The following ZBTB20 variants were observed in gnomAD, a reference collection of about 807,000 sequenced individuals.
ZBTB20 encodes the protein zinc finger and BTB domain containing 20.
In ZBTB20, 9 loss-of-function variants were observed where a neutral mutation model predicts 56.9. The observed-to-expected ratio is 0.16, with a 90% CI of 0.10 to 0.28. The LOEUF is 0.28. Ranked by LOEUF, ZBTB20 falls within the 10% of genes least tolerant of loss-of-function variation. The probability of loss-of-function intolerance (pLI) is 1.00; values close to 1 mark genes in which losing one functional copy is unlikely to be tolerated. For synonymous variants in ZBTB20, 417 were observed against 420.7 expected, an observed-to-expected ratio of 0.99 and a Z score of 0.11; for missense variants, 655 against 1,003.0, an observed-to-expected ratio of 0.65 and a Z score of 4.69.
chr3:114,701,520 T>C (rs2063386066), intron 5 of ZBTB20, among the ~76,000 whole-genome samples: 1 of 152,220 alleles, frequency 6.6e-6, no homozygotes, highest in African/African-American at 2.4e-5. Context: ...CTACATGACA[T>C]ATATTCCATT....
intron 6 of ZBTB20, among the ~76,000 whole-genome samples, chr3:114,556,008 CT>C (rs1411830725): frequency 6.6e-6 from 1 of 151,952 alleles, no homozygotes. Context: ...ACTTTTTTGC[CT>C]TTTTAAAAAA....
rs142413559 is a variant in ZBTB20, at chr3:114,975,968, A to T, written c.-506-1552T>A. ...ATATGTACTCAGTGAATGAATGAAC[A>T]GCCTAACCAATAAAACAGGCACTAA... On this transcript the variant is annotated intron_variant, in intron 2 of 11. Transcript: ENST00000675478. 5.3e-5 allele frequency among the ~76,000 whole-genome samples: 8 copies of T among 152,326 alleles called. No individual in the cohort carries two copies. The East Asian group carries it at 1.5e-3, about 29-fold the overall frequency.
intron 2 of ZBTB20, among the ~76,000 whole-genome samples, chr3:114,987,782 T>C (rs1262569013): frequency 6.6e-6 from 1 of 152,106 alleles, no homozygotes; most frequent in Non-Finnish European, 1.5e-5. Flanking sequence ...AAGTTGAGTG[T>C]AAGTGCAAAC....
intron 7 of ZBTB20, among the ~76,000 whole-genome samples, chr3:114,476,366 T>G (rs1007912799): frequency 5.3e-5 from 8 of 152,354 alleles, no homozygotes; most frequent in Middle Eastern, 3.4e-3. Context: ...TGTATATGTT[T>G]GAAATATCTA....
chr3:114,380,526 A>G (rs928372577), intron 9 of ZBTB20, 122 bp from the exon 10 acceptor site: 1 of 1,266,290 alleles, frequency 7.9e-7, no homozygotes, highest in Non-Finnish European at 1.1e-6. Flanking sequence ...GGAGTCCAGT[A>G]TGTCCCTTGT....
At chr3:115,106,362 T>C (rs2083724580) in intron 1 of ZBTB20, among the ~76,000 whole-genome samples, 1 of 150,656 alleles carries the variant, frequency 6.6e-6, no homozygotes, top group Admixed American at 6.7e-5. Flanking sequence ...GCCTCCCGAG[T>C]AGCTGGGACT....
chr3:114,733,259 T>A (rs967312425), intron 5 of ZBTB20, among the ~76,000 whole-genome samples: 3 of 151,988 alleles, frequency 2.0e-5, no homozygotes, highest in African/African-American at 7.3e-5. Context: ...CATGCAGGAG[T>A]CTCAATAAGG....
intron 2 of ZBTB20, among the ~76,000 whole-genome samples, chr3:115,040,811 A>G (rs2081110927): frequency 6.6e-6 from 1 of 152,122 alleles, no homozygotes; most frequent in Non-Finnish European, 1.5e-5. Flanking sequence ...TTTGCCTTGA[A>G]ACATTTCAGG....
At chr3:114,471,076 A>G (rs1018550830) in intron 7 of ZBTB20, among the ~76,000 whole-genome samples, 8 of 152,224 alleles carry the variant, frequency 5.3e-5, no homozygotes, top group Non-Finnish European at 1.2e-4. Flanking sequence ...TAAAATGCTG[A>G]AAAGGTCACA....
Position 114,634,814 on chromosome 3 carries a change from C to T in ZBTB20, c.-295+58714G>A, listed in dbSNP as rs559365742. 2.6e-5 allele frequency among the ~76,000 whole-genome samples: 4 copies of T among 152,288 alleles called. No individual in the cohort carries two copies. In the South Asian group the frequency reaches 6.2e-4, roughly 24 times the overall value. ...AAGTGAGATTGGAGTGTGTATCTGGCTTCCTGGCCTCTGGCCTCTCAGAGA... is the reference window on the plus strand; with the variant it reads ...AAGTGAGATTGGAGTGTGTATCTGGTTTCCTGGCCTCTGGCCTCTCAGAGA... On this transcript the variant is annotated intron_variant, in intron 6 of 11. Transcript: ENST00000675478.
At chr3:114,941,446 T>C (rs572352650) in intron 3 of ZBTB20, among the ~76,000 whole-genome samples, 1 of 146,394 alleles carries the variant, frequency 6.8e-6, no homozygotes, top group Admixed American at 6.6e-5. Context: ...TGCAATGTTT[T>C]CCTAAATTCT....
intron 7 of ZBTB20, among the ~76,000 whole-genome samples, chr3:114,441,135 T>C (rs2090894131): frequency 6.6e-6 from 1 of 152,170 alleles, no homozygotes; most frequent in Middle Eastern, 3.2e-3. Context: ...TGTTTCTCAA[T>C]GTCATCTGGT....
At chr3:114,922,316 G>A (rs900868030) in intron 3 of ZBTB20, among the ~76,000 whole-genome samples, 9 of 151,996 alleles carry the variant, frequency 5.9e-5, no homozygotes, top group Admixed American at 2.6e-4. Context: ...CATAGTATTG[G>A]AATTCTTAGC....
At chr3:114,340,203 A>C (rs760026923) in intron 11 of ZBTB20, among the ~76,000 whole-genome samples, 9 of 152,018 alleles carry the variant, frequency 5.9e-5, no homozygotes, top group South Asian at 2.1e-4. Flanking sequence ...CCAACACACT[A>C]CACTCCACTC....
At chr3:114,879,263 T>C (rs2076307811) in intron 4 of ZBTB20, among the ~76,000 whole-genome samples, 1 of 152,178 alleles carries the variant, frequency 6.6e-6, no homozygotes, top group Non-Finnish European at 1.5e-5. Flanking sequence ...GAAGCATGTC[T>C]GATTTTCCAC....
intron 1 of ZBTB20, among the ~76,000 whole-genome samples, chr3:115,107,179 C>A (rs540025400): frequency 3.3e-5 from 5 of 152,244 alleles, no homozygotes; most frequent in African/African-American, 9.6e-5. Flanking sequence ...GTAATCTCAG[C>A]ACTTTGGGAG....
chr3:114,666,336 T>C (rs1054321972), intron 6 of ZBTB20, among the ~76,000 whole-genome samples: 1 of 152,042 alleles, frequency 6.6e-6, no homozygotes, highest in African/African-American at 2.4e-5. Flanking sequence ...GTTCACCTGA[T>C]ATAAACCATA....
At chr3:114,767,737 A>G (rs902471256) in intron 5 of ZBTB20, among the ~76,000 whole-genome samples, 3 of 152,014 alleles carry the variant, frequency 2.0e-5, no homozygotes, top group African/African-American at 7.2e-5. Context: ...TCTGCTTCCC[A>G]CCCCAATCCA....
intron 6 of ZBTB20, among the ~76,000 whole-genome samples, chr3:114,538,395 C>A (rs2110086141): frequency 6.6e-6 from 1 of 152,200 alleles, no homozygotes; most frequent in South Asian, 2.1e-4. Context: ...TTTCTTTCCC[C>A]AGTGTGATAT....
Sources: allele counts gnomAD v4.1 joint callset (sites outside exome capture counted in the v4.1 genomes callset), GRCh38; gene constraint gnomAD v4.1.1; transcripts MANE v1.5; gene names NCBI Gene and HGNC (gene_info 2026-07-23, HGNC 2026-07-21).